MLLT10: variants seen among roughly 807,000 people sequenced by gnomAD.
The protein encoded by MLLT10 is MLLT10 histone lysine methyltransferase DOT1L cofactor, also known as protein AF-10.
MLLT10 carries 30 observed loss-of-function variants against 129.1 expected under a neutral mutation model. The observed-to-expected ratio is 0.23, with a 90% CI of 0.17 to 0.32. The LOEUF (loss-of-function observed/expected upper bound fraction) is 0.32. Among genes scored for constraint, MLLT10 ranks in the 10% least tolerant of loss-of-function variants. The pLI, the probability that MLLT10 is intolerant of heterozygous loss-of-function variation, is 1.00. For synonymous variants in MLLT10, 490 were observed against 446.4 expected, an observed-to-expected ratio of 1.10 and a Z score of -1.23; for missense variants, 1,119 against 1,268.3, an observed-to-expected ratio of 0.88 and a Z score of 1.79.
intron 13 of MLLT10, among the ~76,000 whole-genome samples, chr10:21,682,811 A>G (rs2052880609): frequency 2.0e-5 from 3 of 152,172 alleles, no homozygotes; most frequent in East Asian, 3.8e-4. Context: ...CTATCTTTGT[A>G]ATGTAATTAT....
chr10:21,558,898 G>A (rs1387382281), intron 3 of MLLT10, among the ~76,000 whole-genome samples: 1 of 151,898 alleles, frequency 6.6e-6, no homozygotes, highest in African/African-American at 2.4e-5. Context: ...AATAACTCTG[G>A]ATACAAGATA....
At chr10:21,684,319 A>G (rs1056635807) in intron 13 of MLLT10, among the ~76,000 whole-genome samples, 3 of 152,156 alleles carry the variant, frequency 2.0e-5, no homozygotes, top group African/African-American at 7.2e-5. Flanking sequence ...AGTATCACCT[A>G]TCACCTGTGC....
intron 3 of MLLT10, among the ~76,000 whole-genome samples, chr10:21,545,814 A>G (rs1023662179): frequency 7.2e-5 from 11 of 152,188 alleles, no homozygotes; most frequent in African/African-American, 2.4e-4. Flanking sequence ...CTATAGGTGC[A>G]TACCACTATG....
intron 13 of MLLT10, among the ~76,000 whole-genome samples, chr10:21,690,560 A>G (rs1350427119): frequency 1.3e-5 from 2 of 152,028 alleles, no homozygotes; most frequent in African/African-American, 2.4e-5. Context: ...TAAATATGCA[A>G]CGGTTATGCA....
chr10:21,631,313 C>CAAAAAAAA (rs991306894), intron 8 of MLLT10, among the ~76,000 whole-genome samples: 12 of 47,768 alleles, frequency 2.5e-4, no homozygotes, highest in Admixed American at 4.9e-4. Context: ...GACTCCGTCT[C>CAAAAAAAA]AAAAAAAAAA....
chr10:21,635,249 T>TTACC (rs759324789), intron 8 of MLLT10, among the ~76,000 whole-genome samples: 37 of 152,348 alleles, frequency 2.4e-4, no homozygotes, highest in Non-Finnish European at 4.9e-4. Flanking sequence ...ATGAATGCTG[T>TTACC]TACCATGTGG....
chr10:21,625,795 C>G, intron 8 of MLLT10: 2 of 768,346 alleles, frequency 2.6e-6, no homozygotes, highest in Non-Finnish European at 4.9e-6. Flanking sequence ...GTGCAGCTTC[C>G]TTTCCACAGA....
intron 4 of MLLT10, among the ~76,000 whole-genome samples, chr10:21,593,794 G>A (rs888017711): frequency 8.6e-5 from 13 of 151,818 alleles, no homozygotes; most frequent in Admixed American, 7.2e-4. Context: ...CCGTGTGGTG[G>A]TGGGCACCTG....
At chr10:21,689,565 G>GTATA (rs71393919) in intron 13 of MLLT10, among the ~76,000 whole-genome samples, 12,145 of 113,140 alleles carry the variant, frequency 0.11, 684 homozygotes, top group East Asian at 0.2. Flanking sequence ...ATATATATAT[G>GTATA]TATATATATA....
intron 5 of MLLT10, among the ~76,000 whole-genome samples, chr10:21,596,616 C>T (rs1458600587): frequency 1.3e-5 from 2 of 150,466 alleles, no homozygotes; most frequent in Non-Finnish European, 3.0e-5. Context: ...CCTTAAAAAA[C>T]TTTGCTATTC....
chr10:21,703,368 T>A (rs950924287), intron 13 of MLLT10, among the ~76,000 whole-genome samples: 5 of 152,120 alleles, frequency 3.3e-5, no homozygotes, highest in African/African-American at 1.2e-4. Flanking sequence ...AGAAATCTGT[T>A]AGTCTGATGG....
rs1222129913 is a variant in MLLT10 at position 21,609,089 on chromosome 10, GATGGCCCTGC to G, written c.406-3258_406-3249del. ...ATTTTTCCAATAGTATACAACCTCA[GATGGCCCTGC>G]TCTAACAAATGTAGGACCCACCTTC... is the stretch of plus-strand genomic sequence containing the variant. On this transcript the variant is annotated intron_variant, in intron 5 of 22. Coordinates refer to ENST00000307729, the MANE Select transcript of MLLT10 (RefSeq NM_001195626.3). Among the ~76,000 whole-genome samples, 9 of 152,220 alleles carry G rather than the reference GATGGCCCTGC, an allele frequency of 5.9e-5. No homozygotes were observed. In the East Asian group the frequency reaches 1.7e-3, roughly 29 times the overall value.
chr10:21,713,106 C>T (rs2131513832), intron 13 of MLLT10, among the ~76,000 whole-genome samples: 1 of 152,264 alleles, frequency 6.6e-6, no homozygotes, highest in Middle Eastern at 3.4e-3. Flanking sequence ...AATGGAGCTG[C>T]CAACTCATAG....
intron 6 of MLLT10, 81 bp from the exon 7 acceptor site, chr10:21,614,750 T>C: frequency 9.5e-7 from 1 of 1,054,366 alleles, no homozygotes; most frequent in East Asian, 2.5e-5. Context: ...CATGAATGAT[T>C]GGAAGTAAAT....
rs188322019 is a variant in MLLT10 at position 21,543,301 on chromosome 10, A to G, written c.240+4389A>G. On this transcript the variant is annotated intron_variant, in intron 3 of 22. Transcript: ENST00000307729. ...ATGCCCGGCTAATTTTTGTATTTTT[A>G]GTAGAGACAGGGCTTCTCCATTTTG... Among the ~76,000 whole-genome samples the G allele has an allele frequency of 4.1e-3, 620 of 151,944 alleles. 2 individuals carry two copies. The highest frequency in any genetic ancestry group is 5.5e-3 in the Non-Finnish European group (376 of 67,968).
chr10:21,549,122 C>CTTTT (rs5783779), intron 3 of MLLT10, among the ~76,000 whole-genome samples: 3 of 130,392 alleles, frequency 2.3e-5, no homozygotes, highest in Admixed American at 8.1e-5. Flanking sequence ...GAGCTTATTC[C>CTTTT]TTTTTTTTTT....
chr10:21,640,748 A>G (rs999833400), intron 8 of MLLT10, among the ~76,000 whole-genome samples: 1 of 152,210 alleles, frequency 6.6e-6, no homozygotes, highest in Non-Finnish European at 1.5e-5. Context: ...TGCCTAACTC[A>G]AAAGACATGC....
chr10:21,730,569 G>T, intron 16 of MLLT10, among the ~76,000 whole-genome samples: 1 of 152,042 alleles, frequency 6.6e-6, no homozygotes, highest in African/African-American at 2.4e-5. Context: ...GTCTAATTTT[G>T]TCTTTCCCTC....
chr10:21,726,880 T>C (rs1305895295), intron 15 of MLLT10, among the ~76,000 whole-genome samples: 1 of 152,158 alleles, frequency 6.6e-6, no homozygotes, highest in Admixed American at 6.5e-5. Context: ...TTCATGAAAT[T>C]GTATTACACA....
Sources: gnomAD v4.1 joint callset for allele counts (sites outside exome capture counted in the v4.1 genomes callset) on GRCh38, gnomAD v4.1.1 for gene constraint, MANE v1.5 for transcripts, NCBI Gene and HGNC (gene_info 2026-07-23, HGNC 2026-07-21) for gene names.